IMMP2L: variants seen among roughly 807,000 people sequenced by gnomAD.
The protein encoded by IMMP2L is mitochondrial inner membrane protease subunit 2.
A neutral mutation model predicts 19.3 loss-of-function variants in IMMP2L; 18 were observed. The observed-to-expected ratio is 0.93, with a 90% CI of 0.64 to 1.38. The LOEUF (loss-of-function observed/expected upper bound fraction) is 1.38, where lower values mean the gene tolerates loss of function less well. Ranked by LOEUF, IMMP2L falls within the 40% of genes most tolerant of loss-of-function variation. The probability of loss-of-function intolerance (pLI) is 0.00; values close to 1 mark genes in which losing one functional copy is unlikely to be tolerated. For missense variants in IMMP2L, 233 were observed against 218.2 expected, an observed-to-expected ratio of 1.07 and a Z score of -0.43; for synonymous variants, 76 against 73.0, an observed-to-expected ratio of 1.04 and a Z score of -0.21.
intron 3 of IMMP2L, among the ~76,000 whole-genome samples, chr7:111,402,571 C>T (rs1250690155): frequency 6.6e-6 from 1 of 151,846 alleles, no homozygotes; most frequent in African/African-American, 2.4e-5. Flanking sequence ...ATTAGCCAGG[C>T]GCAGTAGCAT....
chr7:111,551,146 T>C (rs980535804), intron 1 of IMMP2L, among the ~76,000 whole-genome samples: 1 of 152,226 alleles, frequency 6.6e-6, no homozygotes, highest in African/African-American at 2.4e-5. Context: ...GTTTGCAATG[T>C]GTCCCCCAGC....
chr7:111,146,254 AAAGGGAGG>A (rs1275008142), intron 3 of IMMP2L, among the ~76,000 whole-genome samples: 2 of 142,620 alleles, frequency 1.4e-5, no homozygotes, highest in South Asian at 2.5e-4. Context: ...GGAGGGGAGG[AAAGGGAGG>A]AAGGGAGGGA....
chr7:111,015,357 T>C (rs1714991556), intron 3 of IMMP2L, among the ~76,000 whole-genome samples: 1 of 152,086 alleles, frequency 6.6e-6, no homozygotes, highest in African/African-American at 2.4e-5. Context: ...AACTAGTTAA[T>C]ATCATAGATA....
At chr7:111,225,078 A>C (rs1405859569) in intron 3 of IMMP2L, among the ~76,000 whole-genome samples, 2 of 152,144 alleles carry the variant, frequency 1.3e-5, no homozygotes, top group Non-Finnish European at 2.9e-5. Flanking sequence ...TTTTTCCACC[A>C]AACACTTTTT....
intron 3 of IMMP2L, among the ~76,000 whole-genome samples, chr7:111,184,758 A>T (rs1397999909): frequency 1.0e-5 from 1 of 100,028 alleles, no homozygotes; most frequent in East Asian, 3.2e-4. Flanking sequence ...CTACCCATAG[A>T]TGTTTAAAAA....
chr7:110,770,890 T>C (rs1190247820), intron 5 of IMMP2L, among the ~76,000 whole-genome samples: 1 of 152,132 alleles, frequency 6.6e-6, no homozygotes, highest in Non-Finnish European at 1.5e-5. Flanking sequence ...AAAATCACCA[T>C]GTAATTAACA....
intron 5 of IMMP2L, among the ~76,000 whole-genome samples, chr7:110,736,701 T>G (rs2091307): frequency 7.2e-5 from 11 of 152,028 alleles, no homozygotes; most frequent in African/African-American, 2.4e-4. Context: ...TTCCTATTTC[T>G]CCCTTTTGAA....
chr7:111,318,091 G>A (rs937388880), intron 3 of IMMP2L, among the ~76,000 whole-genome samples: 1 of 152,022 alleles, frequency 6.6e-6, no homozygotes, highest in African/African-American at 2.4e-5. Context: ...AAGCCATGAA[G>A]GATTAGGGAA....
chr7:110,877,903 T>C lies in IMMP2L; in HGVS notation c.408+8690A>G, dbSNP rs112437434. On this transcript the variant is annotated intron_variant, in intron 5 of 5. Coordinates refer to ENST00000405709, the MANE Select transcript of IMMP2L (RefSeq NM_032549.4). The surrounding 1 kb of genome is among the most constrained non-coding windows in gnomAD (Gnocchi z 4.0). ...ATGTTTTTCCATATATTTTATACTC[T>C]AAAAATAAAAAACAAAAAACAAAAA... 4.7e-4 allele frequency among the ~76,000 whole-genome samples: 72 copies of C among 152,104 alleles called. No individual in the cohort carries two copies. The highest frequency in any genetic ancestry group is 1.7e-3 in the African/African-American group (71 of 41,514).
intron 5 of IMMP2L, among the ~76,000 whole-genome samples, chr7:110,815,302 C>T (rs1802395784): frequency 6.6e-6 from 1 of 152,052 alleles, no homozygotes. Flanking sequence ...AGCCTTGCAT[C>T]CCAGGGATGA....
At chr7:110,730,532 C>CTT (rs566137083) in intron 5 of IMMP2L, among the ~76,000 whole-genome samples, 3 of 143,824 alleles carry the variant, frequency 2.1e-5, no homozygotes, top group Non-Finnish European at 3.1e-5. Context: ...TTTTCTTTTT[C>CTT]TTTTTTTTTT....
At chr7:111,031,407 T>TGTGTGTGTAA (rs147571783) in intron 3 of IMMP2L, among the ~76,000 whole-genome samples, 8,146 of 147,174 alleles carry the variant, frequency 0.055, 479 homozygotes, top group African/African-American at 0.13. Flanking sequence ...TGTGTGTGTG[T>TGTGTGTGTAA]GAGAGAAAGA....
At chr7:111,501,537 T>C (rs1409982550) in intron 2 of IMMP2L, among the ~76,000 whole-genome samples, 1 of 151,884 alleles carries the variant, frequency 6.6e-6, no homozygotes, top group Non-Finnish European at 1.5e-5. Flanking sequence ...TCACCAAAGT[T>C]GAAATGAAGG....
chr7:111,342,196 T>C (rs1002870887), intron 3 of IMMP2L, among the ~76,000 whole-genome samples: 2 of 152,192 alleles, frequency 1.3e-5, no homozygotes, highest in Non-Finnish European at 2.9e-5. Context: ...TAGATTTGAC[T>C]TATAGAAAAC....
intron 3 of IMMP2L, among the ~76,000 whole-genome samples, chr7:111,089,312 G>A (rs1183868949): frequency 1.3e-5 from 2 of 152,044 alleles, no homozygotes; most frequent in Non-Finnish European, 2.9e-5. Flanking sequence ...TTATGGGAGT[G>A]CATTATAATT....
At chr7:111,263,806 T>C (rs1356008489) in intron 3 of IMMP2L, among the ~76,000 whole-genome samples, 1 of 152,132 alleles carries the variant, frequency 6.6e-6, no homozygotes, top group Non-Finnish European at 1.5e-5. Flanking sequence ...TAGGAGCACA[T>C]GGCTTTACTG....
intron 3 of IMMP2L, among the ~76,000 whole-genome samples, chr7:111,042,786 T>A (rs1317401106): frequency 6.6e-6 from 1 of 152,268 alleles, no homozygotes; most frequent in Middle Eastern, 3.4e-3. Context: ...CTTTCTCCAT[T>A]CCTTCTAATC....
At chr7:111,120,843 T>G (rs1586411092) in intron 3 of IMMP2L, among the ~76,000 whole-genome samples, 1 of 152,218 alleles carries the variant, frequency 6.6e-6, no homozygotes, top group African/African-American at 2.4e-5. Context: ...AAATCCTGTC[T>G]CCTGGGAACC....
At chr7:111,316,683 C>T (rs963989467) in intron 3 of IMMP2L, among the ~76,000 whole-genome samples, 5 of 151,358 alleles carry the variant, frequency 3.3e-5, no homozygotes, top group African/African-American at 9.7e-5. Flanking sequence ...CAAGGACATC[C>T]GATAGTCAAA....
Sources: gnomAD v4.1 joint callset for allele counts (sites outside exome capture counted in the v4.1 genomes callset) on GRCh38, gnomAD v4.1.1 for gene constraint, Gnocchi (gnomAD v3.1) non-coding constraint, MANE v1.5 for transcripts, NCBI Gene and HGNC (gene_info 2026-07-23, HGNC 2026-07-21) for gene names.